The following AP3B1 variants were observed in gnomAD, a reference collection of about 807,000 sequenced individuals.
AP3B1 encodes adaptor related protein complex 3 subunit beta 1, also known as AP-3 complex subunit beta-1.
AP3B1 carries 61 observed loss-of-function variants against 132.5 expected under a neutral mutation model. The observed-to-expected ratio is 0.46, with a 90% CI of 0.37 to 0.57. The LOEUF (loss-of-function observed/expected upper bound fraction) is 0.57, where lower values mean the gene tolerates loss of function less well. AP3B1 is among the 20% of genes least tolerant of loss of function. The probability of loss-of-function intolerance (pLI) is 0.00; values close to 1 mark genes in which losing one functional copy is unlikely to be tolerated. For missense variants in AP3B1, 1,120 were observed against 1,289.4 expected (o/e 0.87, Z 2.01); for synonymous variants, 388 against 438.3 (o/e 0.89, Z 1.43).
intron 2 of AP3B1, among the ~76,000 whole-genome samples, chr5:78,256,128 G>A (rs1343541261): frequency 2.0e-5 from 3 of 151,712 alleles, no homozygotes; most frequent in Non-Finnish European, 4.4e-5. Flanking sequence ...AGAAAAGCAG[G>A]AGTGAACAAA....
At chr5:78,112,291 G>A (rs1227286448) in intron 19 of AP3B1, among the ~76,000 whole-genome samples, 1 of 152,040 alleles carries the variant, frequency 6.6e-6, no homozygotes, top group East Asian at 1.9e-4. Flanking sequence ...TTTGAAGACT[G>A]AAAAATATGT....
chr5:78,290,071 T>C (rs1057029030), intron 1 of AP3B1, among the ~76,000 whole-genome samples: 3 of 152,186 alleles, frequency 2.0e-5, no homozygotes. Flanking sequence ...GAAATCACTT[T>C]GAAGTACACC....
At chr5:78,185,218 A>T (rs1399199221) in intron 7 of AP3B1, among the ~76,000 whole-genome samples, 2 of 152,224 alleles carry the variant, frequency 1.3e-5, no homozygotes, top group Non-Finnish European at 2.9e-5. Context: ...TGGCTAAAGG[A>T]AGCTCTTTAG....
intron 23 of AP3B1, among the ~76,000 whole-genome samples, chr5:78,038,449 G>A (rs1392501062): frequency 3.3e-5 from 5 of 152,098 alleles, no homozygotes; most frequent in African/African-American, 1.2e-4. Flanking sequence ...GATAGCTGAT[G>A]AGCTAAAGAA....
chr5:78,255,729 T>C (rs115289484), intron 2 of AP3B1, among the ~76,000 whole-genome samples: 1,684 of 152,176 alleles, frequency 0.011, 41 homozygotes, highest in African/African-American at 0.038. Context: ...ATCTGCACTA[T>C]AGACAAAAAT....
In AP3B1 at chr5:78,141,265, C is replaced by G; in HGVS notation, c.1528G>C (p.Val510Leu). ...AAAACATCAGGGGCAATTTTAGGAACTCGTTCACAGTTTTCTCCAATTAGC... is the reference window on the plus strand; with the variant it reads ...AAAACATCAGGGGCAATTTTAGGAAGTCGTTCACAGTTTTCTCCAATTAGC... ...LWLIGENCER[V>L]PKIAPDVLRK... Residue 510 changes from valine to leucine, a missense_variant, in exon 15 of 27, where the codon GTT (valine) becomes CTT (leucine). Physicochemically the swap from Val to Leu is conservative, Grantham distance 32. Coordinates refer to ENST00000255194, the MANE Select transcript of AP3B1 (RefSeq NM_003664.5). The G allele has an allele frequency of 6.2e-7, 1 of 1,613,714 alleles. No homozygotes were observed. The highest frequency in any genetic ancestry group is 1.3e-5 in the African/African-American group (1 of 75,008).
At chr5:78,017,177 A>G (rs536523785) in intron 25 of AP3B1, among the ~76,000 whole-genome samples, 40 of 152,210 alleles carry the variant, frequency 2.6e-4, no homozygotes, top group Admixed American at 5.2e-4. Flanking sequence ...GTACTGCTCC[A>G]TTGAAGTAAA....
intron 2 of AP3B1, among the ~76,000 whole-genome samples, chr5:78,255,576 G>A (rs960843529): frequency 2.0e-5 from 3 of 152,044 alleles, no homozygotes; most frequent in African/African-American, 7.2e-5. Context: ...ACCCTACACT[G>A]GAGCACCCAG....
At chr5:78,224,343 C>A (rs894234049) in intron 6 of AP3B1, among the ~76,000 whole-genome samples, 2 of 151,188 alleles carry the variant, frequency 1.3e-5, no homozygotes, top group African/African-American at 4.9e-5. Context: ...ATGTATAAGA[C>A]AATATTTTCA....
chr5:78,247,758 T>G (rs1390921229), intron 2 of AP3B1, among the ~76,000 whole-genome samples: 1 of 152,128 alleles, frequency 6.6e-6, no homozygotes, highest in Non-Finnish European at 1.5e-5. Flanking sequence ...AGAGCACAGT[T>G]GTATCTTCAC....
intron 22 of AP3B1, among the ~76,000 whole-genome samples, chr5:78,080,094 A>G (rs1178478146): frequency 6.6e-6 from 1 of 152,136 alleles, no homozygotes; most frequent in Non-Finnish European, 1.5e-5. Context: ...TGACAATCTC[A>G]GCCTCCTAGG....
At chr5:78,187,358 A>T (rs1466805245) in intron 7 of AP3B1, among the ~76,000 whole-genome samples, 1 of 152,222 alleles carries the variant, frequency 6.6e-6, no homozygotes, top group Non-Finnish European at 1.5e-5. Flanking sequence ...ATTAACAGAC[A>T]TAGCACTATT....
chr5:78,271,716 G>T (rs1748552231), intron 1 of AP3B1, among the ~76,000 whole-genome samples: 1 of 152,148 alleles, frequency 6.6e-6, no homozygotes, highest in Admixed American at 6.5e-5. Context: ...TTCCTAAGGG[G>T]CCTGAGGAGT....
chr5:78,291,129 T>C (rs1303307652), intron 1 of AP3B1, among the ~76,000 whole-genome samples: 1 of 151,886 alleles, frequency 6.6e-6, no homozygotes, highest in Non-Finnish European at 1.5e-5. Context: ...ATAAATAATA[T>C]TGATAAATAA....
intron 3 of AP3B1, among the ~76,000 whole-genome samples, chr5:78,234,436 TCTAA>T (rs745955912): frequency 6.6e-5 from 10 of 152,204 alleles, no homozygotes; most frequent in South Asian, 4.1e-4. Flanking sequence ...GAAGCGCTTC[TCTAA>T]CTATTTGAGG....
In AP3B1 at chr5:78,270,610, C is replaced by T. The variant is rs777396508; in HGVS notation, c.129-3015G>A. 5.9e-5 allele frequency among the ~76,000 whole-genome samples: 9 copies of T among 152,166 alleles called. 1 individual carries two copies. Among genetic ancestry groups the T allele is most frequent in the Admixed American group, 1.3e-4 (2 of 15,284 alleles). Reference sequence around the variant, plus strand: ...AAAAGATGCTACTATCCAAGTGGTGCGCTGCAAATATGAATGGATATGCAG... The same window carrying T: ...AAAAGATGCTACTATCCAAGTGGTGTGCTGCAAATATGAATGGATATGCAG... On this transcript the variant is annotated intron_variant, in intron 1 of 26. Coordinates refer to ENST00000255194, the MANE Select transcript of AP3B1 (RefSeq NM_003664.5).
intron 3 of AP3B1, among the ~76,000 whole-genome samples, chr5:78,233,384 C>A (rs141617574): frequency 0.023 from 3,434 of 152,100 alleles, 143 homozygotes; most frequent in African/African-American, 0.076. Context: ...CAGGCGCATG[C>A]CACCACGCCC....
At chr5:78,018,010 C>CA (rs199587631) in intron 25 of AP3B1, among the ~76,000 whole-genome samples, 1,720 of 150,650 alleles carry the variant, frequency 0.011, 38 homozygotes, top group African/African-American at 0.039. Context: ...AATAAAAATT[C>CA]AAAAAAAATT....
chr5:78,280,986 T>G (rs931244453), intron 1 of AP3B1, among the ~76,000 whole-genome samples: 1 of 152,036 alleles, frequency 6.6e-6, no homozygotes, highest in Non-Finnish European at 1.5e-5. Context: ...CCACAATTTT[T>G]TAAAGTCACA....
Sources: gnomAD v4.1 joint callset for allele counts (sites outside exome capture counted in the v4.1 genomes callset) on GRCh38, gnomAD v4.1.1 for gene constraint, MANE v1.5 for transcripts, NCBI Gene and HGNC (gene_info 2026-07-23, HGNC 2026-07-21) for gene names.